Variants in OARD1 observed in about 807,000 individuals in gnomAD.
OARD1 encodes the protein O-acyl-ADP-ribose deacylase 1.
OARD1 carries 19 observed loss-of-function variants against 19.7 expected under a neutral mutation model. The observed-to-expected ratio is 0.96, with a 90% CI of 0.67 to 1.41. The LOEUF (loss-of-function observed/expected upper bound fraction) is 1.41, where lower values mean the gene tolerates loss of function less well. OARD1 is among the 40% of genes most tolerant of loss of function. The pLI is 0.00. For synonymous variants in OARD1, 70 were observed against 61.8 expected, an observed-to-expected ratio of 1.13 and a Z score of -0.62; for missense variants, 190 against 183.8, an observed-to-expected ratio of 1.03 and a Z score of -0.20.
In OARD1 at chr6:41,071,609, G is replaced by A. The variant is rs1293700995; in HGVS notation, c.26C>T (p.Pro9Leu). Residue 9 changes from proline to leucine, a missense_variant, in exon 2 of 6, where the codon CCA becomes CTA. Pro to Leu is a moderately conservative substitution (Grantham distance 98). Coordinates refer to ENST00000424266, the MANE Select transcript of OARD1 (RefSeq NM_001329686.2). MASSLNED[P>L]EGSRITYVKG... Reference sequence around the variant, plus strand: ...GTTGTTACGCACTCTGCTTCCTTCTGGATCTTCATTAAGGCTGCTGGCCAT... The same window carrying A: ...GTTGTTACGCACTCTGCTTCCTTCTAGATCTTCATTAAGGCTGCTGGCCAT... 2 of 1,613,246 alleles carry A rather than the reference G, an allele frequency of 1.2e-6. No individual in the cohort carries two copies. Among genetic ancestry groups the A allele is most frequent in the South Asian group, 1.1e-5 (1 of 91,058 alleles).
At chr6:41,090,285 G>A (rs755486598) in intron 1 of OARD1, 2 of 1,613,796 alleles carry the variant, frequency 1.2e-6, no homozygotes. Context: ...ACCAGTTAAT[G>A]CAGATGGCAC....
chr6:41,083,945 C>T (rs1420496408), intron 1 of OARD1: 1 of 1,190,730 alleles, frequency 8.4e-7, no homozygotes, highest in African/African-American at 1.6e-5. Flanking sequence ...CTACCTTTTC[C>T]TTTTCTAGCA....
At chr6:41,070,757 A>C in intron 3 of OARD1, 2 of 414,674 alleles carry the variant, frequency 4.8e-6, no homozygotes, top group Non-Finnish European at 8.6e-6. Context: ...TGGCCCGTAG[A>C]AAGTGATGGG....
chr6:41,077,527 T>C (rs1385493917), upstream of OARD1, among the ~76,000 whole-genome samples: 1 of 139,708 alleles, frequency 7.2e-6, no homozygotes, highest in Admixed American at 7.2e-5. Flanking sequence ...ATTTTATTAG[T>C]TTATAGCCAT....
chr6:41,073,234 G>C (rs1212741764), upstream of OARD1: 1 of 151,308 alleles, frequency 6.6e-6, no homozygotes, highest in Non-Finnish European at 1.5e-5. Flanking sequence ...CAGCGGCCCC[G>C]GCCCGGGGCC....
Position 41,071,605 on chromosome 6 carries a change from T to C in OARD1, c.30A>G (p.Glu10=). 6.2e-7 allele frequency: 1 copy of C among 1,613,390 alleles called. No individual in the cohort carries two copies. Among genetic ancestry groups the C allele is most frequent in the African/African-American group, 1.3e-5 (1 of 75,056 alleles). MASSLNEDP[E]GSRITYVKGD... ...AATAGTTGTTACGCACTCTGCTTCC[T>C]TCTGGATCTTCATTAAGGCTGCTGG... The change falls in exon 2 of 6, where the codon GAA becomes GAG. Residue 10 remains glutamate (E), a synonymous_variant. Coordinates refer to ENST00000424266, the MANE Select transcript of OARD1 (RefSeq NM_001329686.2).
chr6:41,084,134 G>A (rs200299860), intron 1 of OARD1: 1 of 1,614,126 alleles, frequency 6.2e-7, no homozygotes. Flanking sequence ...GCTGTCCCTG[G>A]TGGACAAGGT....
At chr6:41,073,284 G>C (rs368917019), upstream of OARD1, among the ~76,000 whole-genome samples, 175 of 151,706 alleles carry the variant, frequency 1.2e-3, 5 homozygotes, top group South Asian at 0.033. Flanking sequence ...GGCCTGCAGG[G>C]GCCGCCCCGC....
At chr6:41,080,871 G>T (rs763215312) in intron 1 of OARD1, 1 of 1,614,018 alleles carries the variant, frequency 6.2e-7, no homozygotes, top group South Asian at 1.1e-5. Context: ...ATCCGCCTCA[G>T]GCCAGCAAGT....
chr6:41,074,665 G>C (rs934494178), upstream of OARD1, among the ~76,000 whole-genome samples: 2 of 152,218 alleles, frequency 1.3e-5, no homozygotes, highest in South Asian at 4.1e-4. Context: ...GATAGTTTAG[G>C]GGGGAAAGCC....
intron 1 of OARD1, among the ~76,000 whole-genome samples, chr6:41,091,105 G>A (rs1764187767): frequency 6.6e-6 from 1 of 152,170 alleles, no homozygotes; most frequent in South Asian, 2.1e-4. Context: ...GGAATGCTTG[G>A]TTTAATTTTA....
intron 1 of OARD1, chr6:41,094,298 C>A: frequency 1.0e-6 from 1 of 996,442 alleles, no homozygotes; most frequent in Non-Finnish European, 1.5e-6. Context: ...ACTTTGATCC[C>A]AGCTGTCTTA....
upstream of OARD1, among the ~76,000 whole-genome samples, chr6:41,074,986 A>C (rs1330501180): frequency 6.6e-6 from 1 of 151,482 alleles, no homozygotes; most frequent in African/African-American, 2.4e-5. Flanking sequence ...TACAACTAAT[A>C]GGTTTCAGAA....
At chr6:41,071,899 G>A in intron 1 of OARD1, 1 of 480,220 alleles carries the variant, frequency 2.1e-6, no homozygotes, top group Non-Finnish European at 3.7e-6. Flanking sequence ...CTTTCCTGGA[G>A]CGCCCCGCTC....
At position 41,090,454 on chromosome 6, in the gene OARD1, T is replaced by C. The variant is rs949898194; in HGVS notation, c.-42+7259A>G. 1.6e-5 allele frequency: 9 copies of C among 562,674 alleles called. No homozygotes were observed. The East Asian group carries it at 1.8e-4, about 11-fold the overall frequency. 34.9% of individuals were successfully genotyped at this position (562,674 alleles called of 1,614,324 possible). A position where few individuals can be genotyped will look rare whatever the true frequency, so the allele number is the denominator to read the frequency against. ...AAAAAAGATTTCCTCTAGCTCTCCA[T>C]TGATTGTTGGTTTCTTGTCACCATC... On this transcript the variant is annotated intron_variant, in intron 1 of 4. Coordinates refer to the OARD1 transcript ENST00000480585.
At chr6:41,068,991 T>C in intron 4 of OARD1, 38 bp from the exon 5 acceptor site, 1 of 1,156,320 alleles carries the variant, frequency 8.6e-7, no homozygotes, top group Non-Finnish European at 1.3e-6. Flanking sequence ...CATCCCAAAA[T>C]GATAGCCAAA....
At position 41,065,148 on chromosome 6, in the gene OARD1, C is replaced by T. The variant is rs1279990886; in HGVS notation, c.*2187G>A. On this transcript the variant is annotated 3_prime_UTR_variant, in exon 6 of 6. Coordinates refer to ENST00000424266, the MANE Select transcript of OARD1 (RefSeq NM_001329686.2). ...ACATTCCTGCTAAGTCCCAGAATTC[C>T]ACTTACAGCCAATCCTGAATGAGAC... 1 of 152,148 alleles carries T rather than the reference C, an allele frequency of 6.6e-6. No individual in the cohort carries two copies. Among genetic ancestry groups the T allele is most frequent in the Non-Finnish European group, 1.5e-5 (1 of 68,030 alleles). 9.4% of individuals were successfully genotyped at this position (152,148 alleles called of 1,614,324 possible).
chr6:41,079,758 C>A (rs1763855695), intron 1 of OARD1, among the ~76,000 whole-genome samples: 1 of 152,104 alleles, frequency 6.6e-6, no homozygotes, highest in Admixed American at 6.6e-5. Context: ...TAAAATTTCA[C>A]TTTTTTCCCC....
intron 1 of OARD1, among the ~76,000 whole-genome samples, chr6:41,088,885 G>C (rs1764119300): frequency 6.6e-6 from 1 of 152,070 alleles, no homozygotes; most frequent in African/African-American, 2.4e-5. Context: ...CCGGCTTTCA[G>C]CATTTTTAAT....
Sources: gnomAD v4.1 joint callset for allele counts (sites outside exome capture counted in the v4.1 genomes callset) on GRCh38, gnomAD v4.1.1 for gene constraint, MANE v1.5 for transcripts, NCBI Gene and HGNC (gene_info 2026-07-23, HGNC 2026-07-21) for gene names.